The following DAGLB variants were observed in gnomAD, a reference collection of about 807,000 sequenced individuals.
DAGLB encodes the protein diacylglycerol lipase-beta.
In DAGLB, 66 loss-of-function variants were observed where a neutral mutation model predicts 72.1. The observed-to-expected ratio is 0.92, with a 90% confidence interval of 0.75 to 1.12. The LOEUF is 1.12. Among genes scored for constraint, DAGLB ranks in the 50% most tolerant of loss-of-function variants. The probability of loss-of-function intolerance (pLI) is 0.00; values close to 1 mark genes in which losing one functional copy is unlikely to be tolerated. For missense variants in DAGLB, 1,065 were observed against 884.9 expected (o/e 1.20, Z -2.58); for synonymous variants, 414 against 359.5 (o/e 1.15, Z -1.71).
At chr7:6,436,672 G>C (rs1784669135) in intron 2 of DAGLB, 139 bp from the exon 3 acceptor site, 4 of 1,004,884 alleles carry the variant, frequency 4.0e-6, no homozygotes, top group Non-Finnish European at 2.9e-6. Context: ...CTTATAATTG[G>C]TAATCAGCAC....
At chr7:6,444,272 C>CT (rs1364364079) in intron 2 of DAGLB, among the ~76,000 whole-genome samples, 1 of 152,080 alleles carries the variant, frequency 6.6e-6, no homozygotes, top group Non-Finnish European at 1.5e-5. Flanking sequence ...GACACTGTCT[C>CT]TAACAACAAC....
intron 2 of DAGLB, among the ~76,000 whole-genome samples, chr7:6,438,191 C>A (rs555503702): frequency 2.9e-5 from 4 of 138,808 alleles, no homozygotes; most frequent in Admixed American, 2.2e-4. Flanking sequence ...CATCACACAC[C>A]GGGGCCTGTA....
intron 2 of DAGLB, among the ~76,000 whole-genome samples, chr7:6,439,105 A>T (rs1361352324): frequency 1.3e-5 from 2 of 151,944 alleles, no homozygotes; most frequent in Non-Finnish European, 2.9e-5. Context: ...AATATAAAAA[A>T]TTAGCCAGGC....
chr7:6,439,945 G>A (rs899802415), intron 2 of DAGLB, among the ~76,000 whole-genome samples: 13 of 151,490 alleles, frequency 8.6e-5, no homozygotes, highest in African/African-American at 1.7e-4. Flanking sequence ...CCAGCTACTC[G>A]GGAGGCTGAG....
intron 6 of DAGLB, among the ~76,000 whole-genome samples, chr7:6,427,820 G>T (rs12537894): frequency 0.17 from 25,200 of 152,096 alleles, 2,481 homozygotes; most frequent in East Asian, 0.23. Flanking sequence ...GAAGTGCTCA[G>T]AACATGATGG....
intron 11 of DAGLB, among the ~76,000 whole-genome samples, chr7:6,413,864 A>T (rs531323189): frequency 6.6e-6 from 1 of 152,340 alleles, no homozygotes; most frequent in East Asian, 1.9e-4. Context: ...GGTGAAAGTG[A>T]ACAGCCACGA....
rs147869784 is a variant in DAGLB, at chr7:6,421,741, G to T, written c.1204C>A (p.Arg402Ser). The change falls in exon 9 of 15, where the codon CGC becomes AGC. Residue 402 changes from arginine to serine, a missense_variant. Transcript: ENST00000297056. Reference sequence around the variant, plus strand: ...CGCGCTCATACCTTGTGTGCCAGGCGGTCCTGCACCTCACACTCCACGTCC... The same window carrying T: ...CGCGCTCATACCTTGTGTGCCAGGCTGTCCTGCACCTCACACTCCACGTCC... ...VLDVECEVQD[R>S]LAHKGISQAA... The T allele has an allele frequency of 6.2e-7, 1 of 1,610,980 alleles. No individual in the cohort carries two copies. The highest frequency in any genetic ancestry group is 8.5e-7 in the Non-Finnish European group (1 of 1,177,762).
In DAGLB at chr7:6,447,765, C is replaced by A; in HGVS notation, c.78G>T (p.Leu26=). 6.2e-7 allele frequency: 1 copy of A among 1,613,682 alleles called. No individual in the cohort carries two copies. The highest frequency in any genetic ancestry group is 1.3e-5 in the African/African-American group (1 of 75,040). ...GTCCTTACCACAGCACTCGCACGAC[C>A]AGCTCGAAGAACCCTGGGAAGACCA... ...DDLVFPGFFE[L]VVRVLWWIGI... Residue 26 remains leucine (L), a synonymous_variant, in exon 1 of 15, where the codon CTG becomes CTT. Transcript: ENST00000297056.
In DAGLB at chr7:6,409,643, T is replaced by C; in HGVS notation, c.*194A>G. 1 of 696,424 alleles carries C rather than the reference T, an allele frequency of 1.4e-6. No individual in the cohort carries two copies. The highest frequency in any genetic ancestry group is 2.4e-6 in the Non-Finnish European group (1 of 425,502). 43.1% of individuals were successfully genotyped at this position (696,424 alleles called of 1,614,324 possible). A position where few individuals can be genotyped will look rare whatever the true frequency, so the allele number is the denominator to read the frequency against. ...CGTCCTATCACCTGAGCGTGCTCAC[T>C]ACTTCTGCTACCATTATGGCCACAA... On this transcript the variant is annotated 3_prime_UTR_variant, in exon 15 of 15. Coordinates refer to ENST00000297056, the MANE Select transcript of DAGLB (RefSeq NM_139179.4).
At chr7:6,446,335 G>C (rs1784999469) in intron 1 of DAGLB, among the ~76,000 whole-genome samples, 1 of 150,434 alleles carries the variant, frequency 6.6e-6, no homozygotes, top group Non-Finnish European at 1.5e-5. Flanking sequence ...AAAAATAGCT[G>C]GGCGTAGTGG....
intron 9 of DAGLB, among the ~76,000 whole-genome samples, chr7:6,419,124 C>T (rs181905785): frequency 4.3e-5 from 6 of 139,210 alleles, no homozygotes; most frequent in South Asian, 2.2e-4. Flanking sequence ...CAGGTTCAAG[C>T]GATTCTCCTG....
In DAGLB at chr7:6,446,746, C is replaced by G. The variant is rs374105320; in HGVS notation, c.96-642G>C. ...GATCTAGGCCCGGCACGGCGGCTCA[C>G]GTCTGTAATCCTAGCACTTTGGGAG... On this transcript the variant is annotated intron_variant, in intron 1 of 14. Transcript: ENST00000297056. 1.1e-4 allele frequency among the ~76,000 whole-genome samples: 16 copies of G among 151,634 alleles called. No homozygotes were observed. The East Asian group carries it at 2.6e-3, about 24-fold the overall frequency.
At chr7:6,411,785 A>T (rs1783737176) in intron 13 of DAGLB, among the ~76,000 whole-genome samples, 1 of 152,056 alleles carries the variant, frequency 6.6e-6, no homozygotes, top group Non-Finnish European at 1.5e-5. Context: ...TGGCATACGT[A>T]TTTTCAAATT....
At chr7:6,423,026 T>C (rs1784182443) in intron 8 of DAGLB, among the ~76,000 whole-genome samples, 1 of 151,984 alleles carries the variant, frequency 6.6e-6, no homozygotes, top group Admixed American at 6.6e-5. Context: ...CTGAGGTGAG[T>C]GGATGGCTAC....
At chr7:6,423,602 TTTC>T (rs1172197041) in intron 8 of DAGLB, among the ~76,000 whole-genome samples, 1 of 150,074 alleles carries the variant, frequency 6.7e-6, no homozygotes, top group Non-Finnish European at 1.5e-5. Flanking sequence ...TTTTTTTTTT[TTTC>T]TGAGACAGGG....
chr7:6,433,927 G>A (rs923782455), intron 4 of DAGLB, among the ~76,000 whole-genome samples: 2 of 151,504 alleles, frequency 1.3e-5, no homozygotes, highest in Admixed American at 6.6e-5. Context: ...TGTAGATTAC[G>A]ACATCCTCTA....
intron 2 of DAGLB, among the ~76,000 whole-genome samples, chr7:6,437,752 G>C (rs1784709962): frequency 6.6e-6 from 1 of 152,150 alleles, no homozygotes. Context: ...AGGTTCAAGT[G>C]ATTCTCCTGC....
chr7:6,421,318 GGGAGGCGCA>G (rs763008449), intron 9 of DAGLB, among the ~76,000 whole-genome samples: 6,030 of 133,152 alleles, frequency 0.045, 933 homozygotes, highest in East Asian at 0.37. Context: ...CAGGCAGCGC[GGGAGGCGCA>G]GGCAGCGCGG....
chr7:6,426,584 AAAGAT>A (rs1784318157), intron 6 of DAGLB, among the ~76,000 whole-genome samples: 1 of 152,148 alleles, frequency 6.6e-6, no homozygotes, highest in East Asian at 1.9e-4. Context: ...ATGGCTTATT[AAAGAT>A]AATACCTCTC....
Sources: allele counts gnomAD v4.1 joint callset (sites outside exome capture counted in the v4.1 genomes callset), GRCh38; gene constraint gnomAD v4.1.1; transcripts MANE v1.5; gene names NCBI Gene and HGNC (gene_info 2026-07-23, HGNC 2026-07-21).